Variants in CCDC85A observed in about 807,000 individuals in gnomAD.
The protein encoded by CCDC85A is coiled-coil domain-containing protein 85A.
A neutral mutation model predicts 50.2 loss-of-function variants in CCDC85A; 38 were observed. That is an observed-to-expected ratio of 0.76 (90% CI 0.58 to 0.99). The LOEUF (loss-of-function observed/expected upper bound fraction) is 0.99, where lower values mean the gene tolerates loss of function less well. Among genes scored for constraint, CCDC85A ranks in the 50% least tolerant of loss-of-function variants. CCDC85A has a pLI of 0.00. For synonymous variants in CCDC85A, 366 were observed against 301.4 expected, an observed-to-expected ratio of 1.21 and a Z score of -2.22; for missense variants, 820 against 742.0, an observed-to-expected ratio of 1.11 and a Z score of -1.22.
At chr2:56,237,339 A>G (rs768222839) in intron 2 of CCDC85A, among the ~76,000 whole-genome samples, 2 of 152,160 alleles carry the variant, frequency 1.3e-5, no homozygotes, top group Non-Finnish European at 2.9e-5. Flanking sequence ...GGCCCAGCTC[A>G]TTTGGTTGGG....
chr2:56,272,423 G>A (rs986468379), intron 2 of CCDC85A, among the ~76,000 whole-genome samples: 6 of 152,130 alleles, frequency 3.9e-5, no homozygotes, highest in Non-Finnish European at 7.4e-5. Context: ...CTCCCCAAAT[G>A]CATTTATTCA....
intron 2 of CCDC85A, among the ~76,000 whole-genome samples, chr2:56,266,325 C>G (rs924829453): frequency 3.9e-5 from 6 of 152,162 alleles, no homozygotes; most frequent in Non-Finnish European, 8.8e-5. Flanking sequence ...GTCCCAACTA[C>G]TCAGAAGGCT....
At chr2:56,259,579 C>G (rs764464061) in intron 2 of CCDC85A, among the ~76,000 whole-genome samples, 1 of 152,174 alleles carries the variant, frequency 6.6e-6, no homozygotes, top group African/African-American at 2.4e-5. Flanking sequence ...TAGCTTTCAC[C>G]TGATCCTCCT....
At chr2:56,326,339 T>C (rs1673470144) in intron 2 of CCDC85A, among the ~76,000 whole-genome samples, 1 of 152,192 alleles carries the variant, frequency 6.6e-6, no homozygotes, top group Admixed American at 6.6e-5. Context: ...GGCAAAGTGC[T>C]TGATACATAA....
chr2:56,217,427 T>A (rs976464227), intron 2 of CCDC85A, among the ~76,000 whole-genome samples: 3 of 151,926 alleles, frequency 2.0e-5, no homozygotes, highest in Non-Finnish European at 4.4e-5. Flanking sequence ...GTTTCTTCTA[T>A]CTTTAATTTT....
intron 2 of CCDC85A, among the ~76,000 whole-genome samples, chr2:56,298,420 A>C (rs1672052973): frequency 6.6e-6 from 1 of 152,196 alleles, no homozygotes; most frequent in Non-Finnish European, 1.5e-5. Context: ...TGCGTTTGGA[A>C]AAAAAGTGAT....
chr2:56,275,293 A>AT (rs1258580055), intron 2 of CCDC85A, among the ~76,000 whole-genome samples: 1 of 152,138 alleles, frequency 6.6e-6, no homozygotes, highest in East Asian at 1.9e-4. Context: ...ATTTTTTAAC[A>AT]TTTTTTAACA....
intron 1 of CCDC85A, among the ~76,000 whole-genome samples, chr2:56,187,456 T>A (rs1198278557): frequency 6.6e-6 from 1 of 152,128 alleles, no homozygotes; most frequent in Admixed American, 6.5e-5. Context: ...TGTTTAGATA[T>A]TTGGGAGGCA....
At chr2:56,357,976 C>G (rs1675322097) in intron 3 of CCDC85A, among the ~76,000 whole-genome samples, 1 of 152,108 alleles carries the variant, frequency 6.6e-6, no homozygotes, top group Non-Finnish European at 1.5e-5. Flanking sequence ...ACCCTGGCCC[C>G]CCATGGTTAT....
At chr2:56,246,029 A>T (rs889556397) in intron 2 of CCDC85A, among the ~76,000 whole-genome samples, 2 of 152,204 alleles carry the variant, frequency 1.3e-5, no homozygotes, top group African/African-American at 4.8e-5. Flanking sequence ...GGTTCAAGTG[A>T]TTCTCCTGCC....
chr2:56,234,249 C>T (rs957961959), intron 2 of CCDC85A, among the ~76,000 whole-genome samples: 1 of 152,126 alleles, frequency 6.6e-6, no homozygotes, highest in Non-Finnish European at 1.5e-5. Flanking sequence ...TTTTGACAGG[C>T]ATCTTGATCA....
chr2:56,297,796 C>G (rs1272688631), intron 2 of CCDC85A, among the ~76,000 whole-genome samples: 1 of 152,144 alleles, frequency 6.6e-6, no homozygotes, highest in East Asian at 1.9e-4. Context: ...TATAGGACTT[C>G]ATTCTTTTTC....
At chr2:56,242,420 G>A (rs934781605) in intron 2 of CCDC85A, among the ~76,000 whole-genome samples, 2 of 152,104 alleles carry the variant, frequency 1.3e-5, no homozygotes, top group Admixed American at 6.5e-5. Context: ...GGCAAAGGGG[G>A]AGTAGGCACA....
intron 2 of CCDC85A, among the ~76,000 whole-genome samples, chr2:56,262,080 A>G (rs1442150502): frequency 6.6e-6 from 1 of 152,076 alleles, no homozygotes; most frequent in African/African-American, 2.4e-5. Flanking sequence ...TTAAGAAAAT[A>G]CTCTAATTTC....
rs191103120 is a variant in CCDC85A at position 56,219,229 on chromosome 2, C to A, written c.1240+25789C>A. Among the ~76,000 whole-genome samples, 482 of 145,122 alleles carry A rather than the reference C, an allele frequency of 3.3e-3. 3 individuals carry two copies. The highest frequency in any genetic ancestry group is 4.0e-3 in the Non-Finnish European group (263 of 65,960). On this transcript the variant is annotated intron_variant, in intron 2 of 5. Coordinates refer to ENST00000407595, the MANE Select transcript of CCDC85A (RefSeq NM_001080433.2). ...AGTGTGCTATGTGTTGCATTAGATG[C>A]CATACGAGATGCGAAGATGAATAAT...
In CCDC85A at chr2:56,211,545, G is replaced by A. The variant is rs149084489; in HGVS notation, c.1240+18105G>A. ...TACTACTAGGAATGTTAGAAATAAA[G>A]CAATCAGAGTTTTTTTTTAATTAAG... On this transcript the variant is annotated intron_variant, in intron 2 of 5. Coordinates refer to ENST00000407595, the MANE Select transcript of CCDC85A (RefSeq NM_001080433.2). Among the ~76,000 whole-genome samples the A allele has an allele frequency of 7.2e-5, 11 of 151,954 alleles. 1 individual carries two copies. The highest frequency in any genetic ancestry group is 6.6e-4 in the Admixed American group (10 of 15,252).
At chr2:56,352,812 A>G (rs1399742067) in intron 3 of CCDC85A, among the ~76,000 whole-genome samples, 1 of 152,154 alleles carries the variant, frequency 6.6e-6, no homozygotes, top group Non-Finnish European at 1.5e-5. Context: ...GGGTTTCAAG[A>G]ACTAGTTCTT....
chr2:56,298,385 C>A (rs1465406904), intron 2 of CCDC85A, among the ~76,000 whole-genome samples: 2 of 152,036 alleles, frequency 1.3e-5, no homozygotes, highest in Admixed American at 6.6e-5. Context: ...TGAAGGAGAG[C>A]CCTCATTTCA....
At chr2:56,268,884 T>C (rs1424193840) in intron 2 of CCDC85A, among the ~76,000 whole-genome samples, 2 of 152,270 alleles carry the variant, frequency 1.3e-5, no homozygotes, top group East Asian at 1.9e-4. Flanking sequence ...GAGCTTTTTT[T>C]GTTATTGTTA....
Sources: gnomAD v4.1 joint callset for allele counts (sites outside exome capture counted in the v4.1 genomes callset) on GRCh38, gnomAD v4.1.1 for gene constraint, MANE v1.5 for transcripts, NCBI Gene and HGNC (gene_info 2026-07-23, HGNC 2026-07-21) for gene names.